Variants in NCF2 observed in about 807,000 individuals in gnomAD.
NCF2 encodes neutrophil cytosol factor 2.
In NCF2, 45 loss-of-function variants were observed where a neutral mutation model predicts 70.9. The ratio of observed to expected loss-of-function variants is 0.63; its 90% confidence interval spans 0.50 to 0.81. NCF2 has a LOEUF of 0.81. Among genes scored for constraint, NCF2 ranks in the 40% least tolerant of loss-of-function variants. The probability of loss-of-function intolerance (pLI) is 0.00; values close to 1 mark genes in which losing one functional copy is unlikely to be tolerated. For missense variants in NCF2, 522 were observed against 631.6 expected, an observed-to-expected ratio of 0.83 and a Z score of 1.86; for synonymous variants, 203 against 233.6, an observed-to-expected ratio of 0.87 and a Z score of 1.19.
chr1:183,599,718 A>AT, the NCF2 span, among the ~76,000 whole-genome samples: 1 of 151,562 alleles, frequency 6.6e-6, no homozygotes, highest in African/African-American at 2.4e-5. Flanking sequence ...CGCCTGGCTA[A>AT]TTTTTTGTAT....
chr1:183,584,170 C>T (rs1480860670), intron 2 of NCF2, among the ~76,000 whole-genome samples: 1 of 152,192 alleles, frequency 6.6e-6, no homozygotes, highest in Non-Finnish European at 1.5e-5. Context: ...AATGGATCCT[C>T]AAGGTTCACA....
intron 13 of NCF2, among the ~76,000 whole-genome samples, chr1:183,561,306 A>G (rs946230257): frequency 9.2e-5 from 14 of 152,322 alleles, no homozygotes; most frequent in Admixed American, 2.0e-4. Flanking sequence ...GAACGTTGGT[A>G]TATTTTTATT....
chr1:183,601,552 G>A, the NCF2 span, among the ~76,000 whole-genome samples: 22 of 152,054 alleles, frequency 1.4e-4, no homozygotes, highest in African/African-American at 5.1e-4. Flanking sequence ...TTATAATGAG[G>A]GTAGGTTTTA....
chr1:183,593,688 C>T (rs548476846), upstream of NCF2, among the ~76,000 whole-genome samples: 1 of 152,326 alleles, frequency 6.6e-6, no homozygotes, highest in Admixed American at 6.5e-5. Flanking sequence ...GTATTTGTTA[C>T]AGTTTGTAAC....
At chr1:183,578,532 T>C (rs1336110981) in intron 2 of NCF2, among the ~76,000 whole-genome samples, 4 of 152,044 alleles carry the variant, frequency 2.6e-5, no homozygotes, top group Non-Finnish European at 2.9e-5. Flanking sequence ...GCCCGGCTAA[T>C]TTTTTATATT....
chr1:183,581,521 G>T (rs1220467807), intron 2 of NCF2, among the ~76,000 whole-genome samples: 6 of 151,734 alleles, frequency 4.0e-5, no homozygotes, highest in Non-Finnish European at 8.8e-5. Flanking sequence ...AGAGACGGGG[G>T]TCTCACTATG....
At chr1:183,557,048 G>T (rs1163321961) in intron 14 of NCF2, among the ~76,000 whole-genome samples, 4 of 152,166 alleles carry the variant, frequency 2.6e-5, no homozygotes, top group African/African-American at 9.7e-5. Context: ...CCTACTCAGA[G>T]CCTTTAATAG....
At chr1:183,592,150 T>C (rs10911366), upstream of NCF2, among the ~76,000 whole-genome samples, 28,667 of 152,078 alleles carry the variant, frequency 0.19, 4,551 homozygotes, top group African/African-American at 0.44. Context: ...ACTGAAAGAA[T>C]TCACTCATTA....
chr1:183,599,353 C>T, the NCF2 span, among the ~76,000 whole-genome samples: 1 of 152,190 alleles, frequency 6.6e-6, no homozygotes, highest in Non-Finnish European at 1.5e-5. Flanking sequence ...TGTACTCCAG[C>T]CTGTAGACAG....
chr1:183,584,509 A>G (rs1309483443), intron 2 of NCF2, among the ~76,000 whole-genome samples: 1 of 152,234 alleles, frequency 6.6e-6, no homozygotes, highest in African/African-American at 2.4e-5. Context: ...AGAAGTTTCC[A>G]AGATCTTTCT....
At chr1:183,598,975 G>A in the NCF2 span, among the ~76,000 whole-genome samples, 1 of 152,202 alleles carries the variant, frequency 6.6e-6, no homozygotes, top group African/African-American at 2.4e-5. Context: ...CTTATGGGCT[G>A]AGCCCTAGAA....
the NCF2 span, among the ~76,000 whole-genome samples, chr1:183,601,082 C>T: frequency 6.6e-6 from 1 of 152,246 alleles, no homozygotes; most frequent in Non-Finnish European, 1.5e-5. Context: ...TTTTCCTCCT[C>T]TCAGTGTCAA....
intron 2 of NCF2, among the ~76,000 whole-genome samples, chr1:183,578,873 A>C (rs1468086495): frequency 6.6e-6 from 1 of 152,224 alleles, no homozygotes; most frequent in Non-Finnish European, 1.5e-5. Flanking sequence ...CATGGGCTCC[A>C]CAGAGGCCCT....
At chr1:183,560,553 T>G (rs901510879) in intron 13 of NCF2, among the ~76,000 whole-genome samples, 6 of 152,128 alleles carry the variant, frequency 3.9e-5, no homozygotes, top group African/African-American at 1.4e-4. Flanking sequence ...AGGATAAAAT[T>G]GTTCCACCTC....
At chr1:183,563,750 T>G (rs887607180) in intron 11 of NCF2, 165 bp from the exon 12 acceptor site, 4 of 891,864 alleles carry the variant, frequency 4.5e-6, no homozygotes, top group Non-Finnish European at 7.1e-6. Flanking sequence ...TCAGAGGTCC[T>G]TTAGCCCAAC....
At chr1:183,570,876 G>A in intron 5 of NCF2, 37 bp from the exon 6 acceptor site, 1 of 1,605,276 alleles carries the variant, frequency 6.2e-7, no homozygotes, top group Non-Finnish European at 8.5e-7. Flanking sequence ...GGCTCTGCCA[G>A]CACTGTTTCC....
At chr1:183,571,278 C>T (rs973726134) in intron 5 of NCF2, among the ~76,000 whole-genome samples, 4 of 151,942 alleles carry the variant, frequency 2.6e-5, no homozygotes, top group South Asian at 2.1e-4. Flanking sequence ...CCACTGTGCC[C>T]GGCTAATTTT....
intron 1 of NCF2, 45 bp downstream of exon 1, chr1:183,590,111 T>C: frequency 6.2e-7 from 1 of 1,612,848 alleles, no homozygotes; most frequent in South Asian, 1.1e-5. Context: ...AGAATCATAA[T>C]AACAAATGCA....
rs181735066 is a variant in NCF2, at chr1:183,564,201, G to A, written c.1001-171C>T. 2.3e-5 allele frequency: 17 copies of A among 724,214 alleles called. No homozygotes were observed. In the African/African-American group the frequency reaches 3.0e-4, roughly 13 times the overall value. The allele number at this position is 724,214 out of a possible 1,614,324, so 44.9% of individuals were successfully genotyped here. ...AAACTGTGGGGAAAATCTCGCCCTG[G>A]GGAAGCATGAAGGTCATGAACACAT... On this transcript the variant is annotated intron_variant, in intron 10 of 14. Coordinates refer to ENST00000367535, the MANE Select transcript of NCF2 (RefSeq NM_000433.4).
Sources: allele counts gnomAD v4.1 joint callset (sites outside exome capture counted in the v4.1 genomes callset), GRCh38; gene constraint gnomAD v4.1.1; transcripts MANE v1.5; gene names NCBI Gene and HGNC (gene_info 2026-07-23, HGNC 2026-07-21).